Variants in KIAA1328 observed in about 807,000 individuals in gnomAD.
KIAA1328 encodes protein hinderin.
In KIAA1328, 52 loss-of-function variants were observed where a neutral mutation model predicts 68.1. The ratio of observed to expected loss-of-function variants is 0.76; its 90% CI spans 0.61 to 0.96. KIAA1328 has a LOEUF of 0.96. Ranked by LOEUF, KIAA1328 falls within the 40% of genes least tolerant of loss-of-function variation. KIAA1328 has a pLI of 0.00. For missense variants in KIAA1328, 641 were observed against 677.6 expected (o/e 0.95, Z 0.60); for synonymous variants, 232 against 239.4 (o/e 0.97, Z 0.28).
chr18:37,173,344 GTTTAGCAGCAGGGC>G (rs948537052), intron 9 of KIAA1328, among the ~76,000 whole-genome samples: 7 of 152,232 alleles, frequency 4.6e-5, no homozygotes, highest in African/African-American at 1.7e-4. Flanking sequence ...CAGAAAGTCT[GTTTAGCAGCAGGGC>G]TTTCCTAATT....
chr18:37,027,165 C>T (rs376223568), intron 6 of KIAA1328, among the ~76,000 whole-genome samples: 195 of 152,108 alleles, frequency 1.3e-3, no homozygotes, highest in African/African-American at 3.0e-3. Context: ...TTACAAGGGA[C>T]GTGAAGGACC....
intron 6 of KIAA1328, among the ~76,000 whole-genome samples, chr18:36,981,332 C>G (rs72888982): frequency 8.7e-6 from 1 of 114,286 alleles, no homozygotes; most frequent in East Asian, 1.9e-4. Flanking sequence ...ACTAAACTGT[C>G]ACAGAATAAA....
chr18:36,967,445 C>T (rs895357651), intron 6 of KIAA1328, among the ~76,000 whole-genome samples: 2 of 152,232 alleles, frequency 1.3e-5, no homozygotes, highest in Non-Finnish European at 2.9e-5. Context: ...AGAAACTAAA[C>T]ATAGAACCTA....
At chr18:37,093,109 C>G (rs2057311052) in intron 7 of KIAA1328, among the ~76,000 whole-genome samples, 1 of 152,104 alleles carries the variant, frequency 6.6e-6, no homozygotes, top group Non-Finnish European at 1.5e-5. Flanking sequence ...GCCAAAGCAC[C>G]CTACTCAGCC....
At chr18:36,934,183 C>T (rs1367643808) in intron 5 of KIAA1328, among the ~76,000 whole-genome samples, 2 of 152,140 alleles carry the variant, frequency 1.3e-5, no homozygotes, top group Admixed American at 6.5e-5. Flanking sequence ...CATCTGACAA[C>T]CCTGTGCAGG....
chr18:37,019,987 G>A (rs2054285539), intron 6 of KIAA1328, among the ~76,000 whole-genome samples: 1 of 152,194 alleles, frequency 6.6e-6, no homozygotes, highest in Non-Finnish European at 1.5e-5. Context: ...ACTGGTCCAG[G>A]TGAGTGATGC....
chr18:37,075,791 A>C (rs1411525379), intron 7 of KIAA1328: 31 of 152,234 alleles, frequency 2.0e-4, no homozygotes, highest in Admixed American at 2.0e-3. Flanking sequence ...AACTATCCTA[A>C]ATATATATGC....
intron 6 of KIAA1328, among the ~76,000 whole-genome samples, chr18:37,033,876 ATTTG>A (rs1436919702): frequency 1.3e-5 from 2 of 152,198 alleles, no homozygotes; most frequent in Non-Finnish European, 2.9e-5. Flanking sequence ...GGCTTAGCTC[ATTTG>A]TTTGCCTTCT....
At position 36,848,875 on chromosome 18, in the gene KIAA1328, G is replaced by A. The variant is rs1235344753; in HGVS notation, c.332+4573G>A. ...AAACTACATTGATTGATTTTTGAAT[G>A]TTTAATTTACCTTGTGTTCCTGGCT... On this transcript the variant is annotated intron_variant, in intron 4 of 9. Coordinates refer to ENST00000280020, the MANE Select transcript of KIAA1328 (RefSeq NM_020776.3). Among the ~76,000 whole-genome samples, 3 of 151,194 alleles carry A rather than the reference G, an allele frequency of 2.0e-5. No individual in the cohort carries two copies. In the Middle Eastern group the frequency reaches 9.5e-3, roughly 478 times the overall value.
intron 6 of KIAA1328, among the ~76,000 whole-genome samples, chr18:36,972,988 C>T (rs555787767): frequency 6.6e-6 from 1 of 152,298 alleles, no homozygotes. Context: ...GTTGAAGATG[C>T]TGCCGTGGTA....
At chr18:36,984,125 A>G (rs1429090300) in intron 6 of KIAA1328, among the ~76,000 whole-genome samples, 1 of 152,242 alleles carries the variant, frequency 6.6e-6, no homozygotes, top group East Asian at 1.9e-4. Flanking sequence ...GCTTATATGA[A>G]AATTTTACAA....
chr18:37,138,601 T>G (rs973625568), intron 7 of KIAA1328, among the ~76,000 whole-genome samples: 2 of 152,218 alleles, frequency 1.3e-5, no homozygotes, highest in Non-Finnish European at 2.9e-5. Context: ...TTTTACTGAC[T>G]TTTCTTACCT....
intron 6 of KIAA1328, among the ~76,000 whole-genome samples, chr18:36,983,608 T>A (rs570243419): frequency 1.2e-3 from 186 of 152,198 alleles, no homozygotes; most frequent in Non-Finnish European, 1.7e-3. Context: ...TTATATCTGT[T>A]AAGGAAATTG....
At chr18:37,047,734 T>C (rs530091644) in intron 6 of KIAA1328, among the ~76,000 whole-genome samples, 1 of 152,162 alleles carries the variant, frequency 6.6e-6, no homozygotes, top group Non-Finnish European at 1.5e-5. Flanking sequence ...TCTTTATATA[T>C]AGCACTCTTG....
At chr18:36,894,003 C>T (rs1246624) in intron 5 of KIAA1328, among the ~76,000 whole-genome samples, 2 of 151,996 alleles carry the variant, frequency 1.3e-5, no homozygotes, top group Non-Finnish European at 2.9e-5. Context: ...CTTTCACTTA[C>T]GCATTTTTAA....
chr18:37,205,673 T>C (rs941301156), intron 9 of KIAA1328, among the ~76,000 whole-genome samples: 1 of 152,244 alleles, frequency 6.6e-6, no homozygotes, highest in Non-Finnish European at 1.5e-5. Flanking sequence ...CCTCTTGAAC[T>C]AAAGATATCC....
intron 6 of KIAA1328, among the ~76,000 whole-genome samples, chr18:36,983,197 A>G (rs2052767876): frequency 6.6e-6 from 1 of 152,058 alleles, no homozygotes. Context: ...TAAGGGGGAA[A>G]AAGCAAGACA....
At chr18:36,888,960 A>T (rs1351779768) in intron 5 of KIAA1328, among the ~76,000 whole-genome samples, 1 of 152,148 alleles carries the variant, frequency 6.6e-6, no homozygotes, top group Non-Finnish European at 1.5e-5. Flanking sequence ...TATTATACCA[A>T]CATTTATGGG....
At chr18:36,972,113 C>T (rs1253434158) in intron 6 of KIAA1328, among the ~76,000 whole-genome samples, 2 of 151,982 alleles carry the variant, frequency 1.3e-5, no homozygotes, top group Admixed American at 1.3e-4. Context: ...TATAATAAAC[C>T]CTAACAATGA....
Sources: allele counts gnomAD v4.1 joint callset (sites outside exome capture counted in the v4.1 genomes callset), GRCh38; gene constraint gnomAD v4.1.1; transcripts MANE v1.5; gene names NCBI Gene and HGNC (gene_info 2026-07-23, HGNC 2026-07-21).